WFIKKN2: variants seen among roughly 807,000 people sequenced by gnomAD.
WFIKKN2 encodes the protein WAP, follistatin/kazal, immunoglobulin, kunitz and netrin domain containing 2, also known as WAP, Kazal, immunoglobulin, Kunitz and NTR domain-containing protein 2.
Under a neutral mutation model 39.2 loss-of-function variants are expected in WFIKKN2, and 25 were observed. That is an observed-to-expected ratio of 0.64 (90% CI 0.47 to 0.89). The LOEUF (loss-of-function observed/expected upper bound fraction) is 0.89. Ranked by LOEUF, WFIKKN2 falls within the 40% of genes least tolerant of loss-of-function variation. The pLI, the probability that WFIKKN2 is intolerant of heterozygous loss-of-function variation, is 0.00. For synonymous variants in WFIKKN2, 345 were observed against 329.7 expected (o/e 1.05, Z -0.50); for missense variants, 770 against 811.7 (o/e 0.95, Z 0.62).
In WFIKKN2 at chr17:50,839,810, C is replaced by A; in HGVS notation, c.522C>A (p.Thr174=). ...AAGGCATCACACTGGCCGTTGTAAC[C>A]TGCCGCTATCACTTCACCTGGCCCA... The part of the protein sequence containing the change: ...CSKGITLAVV[T]CRYHFTWPNT... The change falls in exon 2 of 2, where the codon ACC becomes ACA. Residue 174 remains threonine, a synonymous_variant. Transcript: ENST00000311378. 6.2e-7 allele frequency: 1 copy of A among 1,614,250 alleles called. No individual in the cohort carries two copies. The highest frequency in any genetic ancestry group is 1.6e-4 in the Middle Eastern group (1 of 6,062).
In WFIKKN2 at chr17:50,840,227, C is replaced by A. The variant is rs1480441140; in HGVS notation, c.939C>A (p.Thr313=). The A allele has an allele frequency of 6.2e-7, 1 of 1,613,890 alleles. No homozygotes were observed. Among genetic ancestry groups the A allele is most frequent in the African/African-American group, 1.3e-5 (1 of 74,938 alleles). The change falls in exon 2 of 2, where the codon ACC becomes ACA. Residue 313 remains threonine (T), a synonymous_variant. Coordinates refer to ENST00000311378, the MANE Select transcript of WFIKKN2 (RefSeq NM_175575.6). ...TCAGGGGTCATCAGGCTGCAGCCAC[C>A]TCAGAGAGCAGCCCCAATGGCACGG... ...SVVRGHQAAA[T]SESSPNGTAF...
At position 50,839,829 on chromosome 17, in the gene WFIKKN2, T is replaced by C. The variant is rs745992830; in HGVS notation, c.541T>C (p.Trp181Arg). 6.2e-7 allele frequency: 1 copy of C among 1,614,198 alleles called. No individual in the cohort carries two copies. The highest frequency in any genetic ancestry group is 1.1e-5 in the South Asian group (1 of 91,086). Reference sequence around the variant, plus strand: ...TGTAACCTGCCGCTATCACTTCACCTGGCCCAACACCAGCCCCCCACCACC... The same window carrying C: ...TGTAACCTGCCGCTATCACTTCACCCGGCCCAACACCAGCCCCCCACCACC... ...AVVTCRYHFT[W>R]PNTSPPPPET... Residue 181 changes from tryptophan (W) to arginine (R), a missense_variant, in exon 2 of 2, where the codon TGG becomes CGG. Physicochemically the swap from Trp to Arg is moderately radical, Grantham distance 101. Coordinates refer to ENST00000311378, the MANE Select transcript of WFIKKN2 (RefSeq NM_175575.6).
rs777854021 is a variant in WFIKKN2, at chr17:50,839,755, G to A, written c.467G>A (p.Arg156His). The A allele has an allele frequency of 9.9e-6, 16 of 1,614,188 alleles. No individual in the cohort carries two copies. The highest frequency in any genetic ancestry group is 4.5e-5 in the East Asian group (2 of 44,876). The change falls in exon 2 of 2, where the codon CGC (arginine) becomes CAC (histidine). Residue 156 changes from arginine to histidine, a missense_variant. Coordinates refer to ENST00000311378, the MANE Select transcript of WFIKKN2 (RefSeq NM_175575.6). ...TCGGACGGCCTCACCTACTATAACC[G>A]CTGCTACATGGATGCCGAGGCCTGC... is the stretch of plus-strand genomic sequence containing the variant. ...CASDGLTYYN[R>H]CYMDAEACSK... is the part of the protein sequence containing the mutation.
Position 50,840,590 on chromosome 17 carries a change from G to A in WFIKKN2, c.1302G>A (p.Glu434=). The A allele has an allele frequency of 1.2e-6, 2 of 1,614,040 alleles. No homozygotes were observed. The highest frequency in any genetic ancestry group is 2.2e-5 in the South Asian group (2 of 91,090). Residue 434 remains glutamate (E), a synonymous_variant, in exon 2 of 2, where the codon GAG becomes GAA. Coordinates refer to ENST00000311378, the MANE Select transcript of WFIKKN2 (RefSeq NM_175575.6). ...TTGAGAGCCGTGAGGCCTGTGAGGA[G>A]TCGTGCCCCTTCCCCAGGGGGAACC... The part of the protein sequence containing the change: ...NNFESREACE[E]SCPFPRGNQR...
intron 1 of WFIKKN2, among the ~76,000 whole-genome samples, chr17:50,838,023 A>C (rs965105512): frequency 7.2e-5 from 11 of 152,160 alleles, no homozygotes. Context: ...CCCTGTGGCC[A>C]GAAGTACCTT....
chr17:50,839,781 T>C lies in WFIKKN2; in HGVS notation c.493T>C (p.Ser165Pro). ...NRCYMDAEAC[S>P]KGITLAVVTC... ...CTGCTACATGGATGCCGAGGCCTGC[T>C]CCAAAGGCATCACACTGGCCGTTGT... The change falls in exon 2 of 2, where the codon TCC becomes CCC. Residue 165 changes from serine (S) to proline (P), a missense_variant. By Grantham distance (74) the Ser-to-Pro change is moderately conservative. Coordinates refer to ENST00000311378, the MANE Select transcript of WFIKKN2 (RefSeq NM_175575.6). The C allele has an allele frequency of 6.2e-7, 1 of 1,614,156 alleles. No individual in the cohort carries two copies. The highest frequency in any genetic ancestry group is 8.5e-7 in the Non-Finnish European group (1 of 1,180,026).
rs1004204272 is a variant in WFIKKN2 at position 50,842,035 on chromosome 17, C to G, written c.*1016C>G. Reference sequence around the variant, plus strand: ...CTGGAGAAGGAAAAGGAACATTGCTCGATGCTCCCATCTGGTGGCGGCCTC... The same window carrying G: ...CTGGAGAAGGAAAAGGAACATTGCTGGATGCTCCCATCTGGTGGCGGCCTC... On this transcript the variant is annotated 3_prime_UTR_variant, in exon 2 of 2. Coordinates refer to ENST00000311378, the MANE Select transcript of WFIKKN2 (RefSeq NM_175575.6). 8 of 151,194 alleles carry G rather than the reference C, an allele frequency of 5.3e-5. No homozygotes were observed. 9.4% of individuals were successfully genotyped at this position (151,194 alleles called of 1,614,324 possible). A position where few individuals can be genotyped will look rare whatever the true frequency, so the allele number is the denominator to read the frequency against.
In WFIKKN2 at chr17:50,839,531, C is replaced by A. The variant is rs542531885; in HGVS notation, c.243C>A (p.Asn81Lys). 1 of 1,614,012 alleles carries A rather than the reference C, an allele frequency of 6.2e-7. No homozygotes were observed. Among genetic ancestry groups the A allele is most frequent in the Non-Finnish European group, 8.5e-7 (1 of 1,179,934 alleles). ...ECETYEKCCP[N>K]VCGTKSCVAA... Reference sequence around the variant, plus strand: ...AGACCTATGAGAAGTGCTGCCCCAACGTATGTGGGACCAAGAGCTGCGTGG... The same window carrying A: ...AGACCTATGAGAAGTGCTGCCCCAAAGTATGTGGGACCAAGAGCTGCGTGG... The change falls in exon 2 of 2, where the codon AAC becomes AAA. Residue 81 changes from asparagine (N) to lysine (K), a missense_variant. By Grantham distance (94) the Asn-to-Lys change is moderately conservative. Transcript: ENST00000311378.
chr17:50,836,185 GCC>G, intron 1 of WFIKKN2, 38 bp downstream of exon 1: 1 of 1,600,958 alleles, frequency 6.2e-7, no homozygotes, highest in Non-Finnish European at 8.5e-7. Context: ...GACCACGTGA[GCC>G]TGTGAGTGAC....
At position 50,841,292 on chromosome 17, in the gene WFIKKN2, C is replaced by T; in HGVS notation, c.*273C>T. ...GTGACCACCAGCTTGCTCAGATATT[C>T]TCCTCCTCCCCTCACTGGCCCCACA... On this transcript the variant is annotated 3_prime_UTR_variant, in exon 2 of 2. Coordinates refer to ENST00000311378, the MANE Select transcript of WFIKKN2 (RefSeq NM_175575.6). The T allele has an allele frequency of 3.0e-6, 1 of 332,822 alleles. No homozygotes were observed. Among genetic ancestry groups the T allele is most frequent in the East Asian group, 4.9e-5 (1 of 20,422 alleles). The allele number at this position is 332,822 out of a possible 1,614,324, so 20.6% of individuals were successfully genotyped here. A position where few individuals can be genotyped will look rare whatever the true frequency, so the allele number is the denominator to read the frequency against.
rs372428466 is a variant in WFIKKN2 at position 50,839,754 on chromosome 17, C to A, written c.466C>A (p.Arg156Ser). ...CASDGLTYYN[R>S]CYMDAEACSK... Reference sequence around the variant, plus strand: ...CTCGGACGGCCTCACCTACTATAACCGCTGCTACATGGATGCCGAGGCCTG... The same window carrying A: ...CTCGGACGGCCTCACCTACTATAACAGCTGCTACATGGATGCCGAGGCCTG... Residue 156 changes from arginine to serine, a missense_variant, in exon 2 of 2, where the codon CGC becomes AGC. Arg to Ser is a moderately radical substitution (Grantham distance 110). Transcript: ENST00000311378. 2 of 1,614,234 alleles carry A rather than the reference C, an allele frequency of 1.2e-6. No individual in the cohort carries two copies. The highest frequency in any genetic ancestry group is 1.7e-6 in the Non-Finnish European group (2 of 1,180,042).
In WFIKKN2 at chr17:50,841,541, C is replaced by G. The variant is rs1972046300; in HGVS notation, c.*522C>G. The G allele has an allele frequency of 6.5e-6, 1 of 152,830 alleles. No homozygotes were observed. The highest frequency in any genetic ancestry group is 2.4e-5 in the African/African-American group (1 of 41,454). 9.5% of individuals were successfully genotyped at this position (152,830 alleles called of 1,614,324 possible). On this transcript the variant is annotated 3_prime_UTR_variant, in exon 2 of 2. Transcript: ENST00000311378. ...AGTTAGGGGCATGGGCAATAGCAAG[C>G]TGGCGGCAGAGTCCAGCCCAGCATA...
chr17:50,835,772 G>T lies in WFIKKN2; in HGVS notation c.-166G>T. ...GCCGCACAGCCCGGCAGGCTGTGCTGACTTGGTGGAGGCAGCAGCGGCAGA... is the reference window on the plus strand; with the variant it reads ...GCCGCACAGCCCGGCAGGCTGTGCTTACTTGGTGGAGGCAGCAGCGGCAGA... On this transcript the variant is annotated 5_prime_UTR_variant, in exon 1 of 2. Coordinates refer to ENST00000311378, the MANE Select transcript of WFIKKN2 (RefSeq NM_175575.6). The T allele has an allele frequency of 1.4e-6, 1 of 704,898 alleles. No homozygotes were observed. 43.7% of individuals were successfully genotyped at this position (704,898 alleles called of 1,614,324 possible).
At position 50,836,020 on chromosome 17, in the gene WFIKKN2, T is replaced by C. The variant is rs1262958488; in HGVS notation, c.83T>C (p.Val28Ala). Residue 28 changes from valine (V) to alanine (A), a missense_variant, in exon 1 of 2, where the codon GTG becomes GCG. By Grantham distance (64) the Val-to-Ala change is moderately conservative. Transcript: ENST00000311378. ...ALLLLLLLLG[V>A]PPRSLALPPI... ...CTGCTGCTGCTGCTACTGCTCGGGG[T>C]GCCCCCGCGAAGCCTGGCGCTGCCG... is the stretch of plus-strand genomic sequence containing the variant. 1 of 1,601,364 alleles carries C rather than the reference T, an allele frequency of 6.2e-7. No homozygotes were observed. The highest frequency in any genetic ancestry group is 8.5e-7 in the Non-Finnish European group (1 of 1,174,574).
At chr17:50,834,780 ACT>A (rs1971934627), upstream of WFIKKN2, 1 of 152,226 alleles carries the variant, frequency 6.6e-6, no homozygotes, top group Non-Finnish European at 1.5e-5. Context: ...AGGACTGCTC[ACT>A]CTGTGCGACC....
upstream of WFIKKN2, chr17:50,835,136 C>T (rs1203689015): frequency 6.6e-6 from 1 of 152,308 alleles, no homozygotes; most frequent in African/African-American, 2.4e-5. Context: ...CGCACACCCC[C>T]CACAAAGGGC....
intron 1 of WFIKKN2, 33 bp downstream of exon 1, chr17:50,836,180 C>T (rs773993628): frequency 1.4e-5 from 23 of 1,599,206 alleles, no homozygotes; most frequent in East Asian, 4.5e-5. Flanking sequence ...AGATGGACCA[C>T]GTGAGCCTGT....
chr17:50,838,703 C>A (rs925575166), intron 1 of WFIKKN2, among the ~76,000 whole-genome samples: 2 of 152,194 alleles, frequency 1.3e-5, no homozygotes, highest in African/African-American at 4.8e-5. Context: ...TGAAAGGTCC[C>A]ACACGGAGCT....
intron 1 of WFIKKN2, among the ~76,000 whole-genome samples, chr17:50,836,531 A>G (rs7215782): frequency 0.54 from 46,533 of 85,914 alleles, 11,513 homozygotes; most frequent in Non-Finnish European, 0.61. Context: ...GGTGAGTGGG[A>G]TCCAGAAGCT....
Sources: gnomAD v4.1 joint callset for allele counts (sites outside exome capture counted in the v4.1 genomes callset) on GRCh38, gnomAD v4.1.1 for gene constraint, MANE v1.5 for transcripts, NCBI Gene and HGNC (gene_info 2026-07-23, HGNC 2026-07-21) for gene names.